SYTL3: variants seen among roughly 807,000 people sequenced by gnomAD.
The protein encoded by SYTL3 is synaptotagmin-like protein 3.
Under a neutral mutation model 82.1 loss-of-function variants are expected in SYTL3, and 88 were observed. That is an observed-to-expected ratio of 1.07 (90% confidence interval 0.90 to 1.28). SYTL3 has a LOEUF of 1.28. SYTL3 is among the 50% of genes most tolerant of loss of function. The probability of loss-of-function intolerance (pLI) is 0.00; values close to 1 mark genes in which losing one functional copy is unlikely to be tolerated. For synonymous variants in SYTL3, 311 were observed against 289.4 expected, an observed-to-expected ratio of 1.07 and a Z score of -0.76; for missense variants, 831 against 757.6, an observed-to-expected ratio of 1.10 and a Z score of -1.14.
At chr6:158,714,830 T>C (rs1452573833) in intron 9 of SYTL3, among the ~76,000 whole-genome samples, 2 of 152,210 alleles carry the variant, frequency 1.3e-5, no homozygotes, top group East Asian at 3.9e-4. Context: ...AGTCTCTTTA[T>C]GTGACTTTAA....
chr6:158,663,055 C>T lies in SYTL3; in HGVS notation c.-214C>T, dbSNP rs768796444. On this transcript the variant is annotated 5_prime_UTR_variant, in exon 4 of 18. The change creates a new upstream start codon in the 5' untranslated region. Coordinates refer to ENST00000611299, the MANE Select transcript of SYTL3 (RefSeq NM_001242394.2). ...CTCTGCGAGCCGTAACTCCGACAAA[C>T]GCAGAACTTCTTGAGGCTTTCTTCT... 1.8e-4 allele frequency: 80 copies of T among 455,382 alleles called. No homozygotes were observed. The highest frequency in any genetic ancestry group is 1.1e-3 in the Middle Eastern group (2 of 1,748). The allele number at this position is 455,382 out of a possible 1,614,324, so 28.2% of individuals were successfully genotyped here. A position where few individuals can be genotyped will look rare whatever the true frequency, so the allele number is the denominator to read the frequency against.
At chr6:158,756,717 AAAT>A (rs1562467810) in intron 13 of SYTL3, among the ~76,000 whole-genome samples, 3 of 53,210 alleles carry the variant, frequency 5.6e-5, no homozygotes, top group Admixed American at 3.4e-4. Flanking sequence ...TCTCAAAAAA[AAAT>A]TTTTTTTTTT....
rs1265161271 is a variant in SYTL3 at position 158,661,279 on chromosome 6, C to T, written c.-626C>T. The T allele has an allele frequency of 6.6e-6, 1 of 152,198 alleles. No individual in the cohort carries two copies. Among genetic ancestry groups the T allele is most frequent in the African/African-American group, 2.4e-5 (1 of 41,428 alleles). 9.4% of individuals were successfully genotyped at this position (152,198 alleles called of 1,614,324 possible). On this transcript the variant is annotated 5_prime_UTR_variant, in exon 3 of 18. Transcript: ENST00000611299. ...TTTCCTCTTTTCCAGAGACTCAGAG[C>T]CTTGGGGCACTGAGGGATGCCAGTT... is the stretch of plus-strand genomic sequence containing the variant.
intron 4 of SYTL3, 21 bp downstream of exon 4, chr6:158,663,399 G>A (rs1789602056): frequency 1.2e-6 from 2 of 1,611,384 alleles, no homozygotes; most frequent in South Asian, 2.2e-5. Context: ...CTTCCCGGGG[G>A]GTCACTTTGG....
At chr6:158,750,647 A>T (rs1788275486) in intron 12 of SYTL3, among the ~76,000 whole-genome samples, 1 of 152,078 alleles carries the variant, frequency 6.6e-6, no homozygotes, top group South Asian at 2.1e-4. Context: ...GGCGTCGAGT[A>T]GCTGGGACTA....
chr6:158,718,266 A>G (rs1783656105), intron 10 of SYTL3, 55 bp downstream of exon 10: 2 of 1,361,504 alleles, frequency 1.5e-6, no homozygotes, highest in South Asian at 3.8e-5. Context: ...TGTCTTCCAG[A>G]ACTTTCTAGC....
At chr6:158,718,656 T>TC (rs1370734428) in intron 10 of SYTL3, among the ~76,000 whole-genome samples, 2 of 152,202 alleles carry the variant, frequency 1.3e-5, no homozygotes, top group Non-Finnish European at 2.9e-5. Flanking sequence ...GGGGCGCTCT[T>TC]CCCCCGCTGT....
intron 5 of SYTL3, among the ~76,000 whole-genome samples, chr6:158,678,808 A>G (rs1562366658): frequency 6.6e-6 from 1 of 152,134 alleles, no homozygotes; most frequent in Non-Finnish European, 1.5e-5. Context: ...CTTTTGAGAT[A>G]TATTTATGGG....
intron 10 of SYTL3, 47 bp from the exon 11 acceptor site, chr6:158,725,456 A>C: frequency 6.2e-7 from 1 of 1,600,138 alleles, no homozygotes; most frequent in Non-Finnish European, 8.5e-7. Flanking sequence ...AACAAAACCA[A>C]ACTGGGATGG....
At chr6:158,757,485 C>A in intron 14 of SYTL3, 104 bp downstream of exon 14, 1 of 1,275,708 alleles carries the variant, frequency 7.8e-7, no homozygotes, top group Admixed American at 2.2e-5. Context: ...AAGACTTGGA[C>A]CCAAGACTGT....
intron 11 of SYTL3, among the ~76,000 whole-genome samples, chr6:158,744,304 C>CT (rs869182913): frequency 0.2 from 19,417 of 98,522 alleles, 3,240 homozygotes; most frequent in East Asian, 0.74. Context: ...CTTTTTCTTT[C>CT]TTTTTTTTTT....
chr6:158,738,535 C>T (rs1042562774), intron 11 of SYTL3, among the ~76,000 whole-genome samples: 17 of 152,186 alleles, frequency 1.1e-4, no homozygotes, highest in African/African-American at 2.2e-4. Flanking sequence ...CTCTCTCTTA[C>T]GCATTCAGCC....
chr6:158,674,570 C>T (rs958287151), intron 5 of SYTL3, among the ~76,000 whole-genome samples: 5 of 152,220 alleles, frequency 3.3e-5, no homozygotes, highest in African/African-American at 1.2e-4. Context: ...TGTGCTCCTG[C>T]TTTCGGCCTT....
intron 6 of SYTL3, among the ~76,000 whole-genome samples, chr6:158,687,724 A>G (rs973391350): frequency 7.0e-6 from 1 of 142,106 alleles, no homozygotes; most frequent in Non-Finnish European, 1.5e-5. Flanking sequence ...CTTCATTCTC[A>G]CTTCCAACGT....
At chr6:158,701,683 G>A (rs1324916687) in intron 6 of SYTL3, among the ~76,000 whole-genome samples, 1 of 151,794 alleles carries the variant, frequency 6.6e-6, no homozygotes, top group African/African-American at 2.4e-5. Context: ...AGTCACTCAA[G>A]CACCCGCGGC....
rs1788129015 is a variant in SYTL3 at position 158,652,417 on chromosome 6, T to A, written c.-637+575T>A. Among the ~76,000 whole-genome samples the A allele has an allele frequency of 2.0e-5, 3 of 151,988 alleles. No individual in the cohort carries two copies. In the South Asian group the frequency reaches 6.2e-4, roughly 32 times the overall value. On this transcript the variant is annotated intron_variant, in intron 2 of 17. Coordinates refer to ENST00000611299, the MANE Select transcript of SYTL3 (RefSeq NM_001242394.2). The stretch of plus-strand genomic sequence containing the variant: ...GCACCTGCCGCCACACCTGGCTAAT[T>A]TTTTTGTATTTTTAGTGGAGACAGG...
At chr6:158,734,967 G>A (rs1235193001) in intron 11 of SYTL3, among the ~76,000 whole-genome samples, 2 of 152,182 alleles carry the variant, frequency 1.3e-5, no homozygotes, top group East Asian at 1.9e-4. Context: ...GACTTGCTGA[G>A]GTCCTGAGAT....
intron 15 of SYTL3, among the ~76,000 whole-genome samples, chr6:158,761,308 T>TTTTTTC (rs1357338629): frequency 9.4e-5 from 13 of 137,928 alleles, no homozygotes; most frequent in Non-Finnish European, 1.6e-4. Context: ...TTTCTTTTTT[T>TTTTTTC]TTTTTTTTTT....
rs569269925 is a variant in SYTL3 at position 158,683,050 on chromosome 6, G to T, written c.394+61G>T. ...ATCTATTCCTAGTTTTAAAATATTT[G>T]ATGTTAAGACTTTGGAATATAAGCA... On this transcript the variant is annotated intron_variant, in intron 6 of 17. Coordinates refer to ENST00000611299, the MANE Select transcript of SYTL3 (RefSeq NM_001242394.2). 4 of 1,278,958 alleles carry T rather than the reference G, an allele frequency of 3.1e-6. No individual in the cohort carries two copies. In the African/African-American group the frequency reaches 4.5e-5, roughly 14 times the overall value. The allele number at this position is 1,278,958 out of a possible 1,614,324, so 79.2% of individuals were successfully genotyped here.
Sources: gnomAD v4.1 joint callset for allele counts (sites outside exome capture counted in the v4.1 genomes callset) on GRCh38, gnomAD v4.1.1 for gene constraint, MANE v1.5 for transcripts, NCBI Gene and HGNC (gene_info 2026-07-23, HGNC 2026-07-21) for gene names.